GIGYF2: variants seen among roughly 807,000 people sequenced by gnomAD.
The protein encoded by GIGYF2 is GRB10 interacting GYF protein 2.
A neutral mutation model predicts 208.1 loss-of-function variants in GIGYF2; 25 were observed. The ratio of observed to expected loss-of-function variants is 0.12; its 90% CI spans 0.09 to 0.17. GIGYF2 has a LOEUF of 0.17. Among genes scored for constraint, GIGYF2 ranks in the 10% least tolerant of loss-of-function variants. The pLI is 1.00. For synonymous variants in GIGYF2, 534 were observed against 543.8 expected (o/e 0.98, Z 0.25); for missense variants, 1,302 against 1,579.4 (o/e 0.82, Z 2.98).
intron 3 of GIGYF2, chr2:232,735,694 AG>A: frequency 1.0e-6 from 1 of 989,986 alleles, no homozygotes; most frequent in Non-Finnish European, 1.2e-6. Context: ...GGCTGTTAAC[AG>A]TAGCCTATCT....
intron 23 of GIGYF2, among the ~76,000 whole-genome samples, chr2:232,841,030 T>G (rs931006960): frequency 2.6e-5 from 4 of 151,964 alleles, no homozygotes; most frequent in African/African-American, 9.7e-5. Flanking sequence ...ATAAGATGTT[T>G]CTTCACACTT....
intron 6 of GIGYF2, among the ~76,000 whole-genome samples, chr2:232,759,003 A>G (rs1384971217): frequency 6.6e-6 from 1 of 152,172 alleles, no homozygotes; most frequent in Non-Finnish European, 1.5e-5. Context: ...TTATAGTTCC[A>G]CCGTGCTTCT....
intron 5 of GIGYF2, among the ~76,000 whole-genome samples, chr2:232,749,733 G>C (rs1698271511): frequency 6.6e-6 from 1 of 152,200 alleles, no homozygotes; most frequent in Non-Finnish European, 1.5e-5. Flanking sequence ...ACGGGAAGAA[G>C]AGAATCCAGG....
chr2:232,843,492 G>A (rs1313046625), intron 23 of GIGYF2, among the ~76,000 whole-genome samples: 2 of 151,844 alleles, frequency 1.3e-5, no homozygotes, highest in African/African-American at 4.8e-5. Context: ...GAACCCGGGA[G>A]GCGGAGGTTG....
In GIGYF2 at chr2:232,749,092, T is replaced by A; in HGVS notation, c.267+10T>A. On this transcript the variant is annotated intron_variant, in intron 5 of 28. Transcript: ENST00000373563. Reference sequence around the variant, plus strand: ...TACAGAAGAAGAACAGGTTTGTGATTAGCTCTGAGCCCCAGCAAACTCTTA... The same window carrying A: ...TACAGAAGAAGAACAGGTTTGTGATAAGCTCTGAGCCCCAGCAAACTCTTA... The A allele has an allele frequency of 3.7e-6, 5 of 1,335,230 alleles. No homozygotes were observed. Among genetic ancestry groups the A allele is most frequent in the Non-Finnish European group, 5.4e-6 (5 of 925,128 alleles). The allele number at this position is 1,335,230 out of a possible 1,614,324, so 82.7% of individuals were successfully genotyped here.
intron 14 of GIGYF2, among the ~76,000 whole-genome samples, chr2:232,805,430 C>G (rs1219720237): frequency 6.6e-6 from 1 of 151,426 alleles, no homozygotes; most frequent in Non-Finnish European, 1.5e-5. Flanking sequence ...GTGTATTGAC[C>G]CTTCTTTATT....
intron 8 of GIGYF2, among the ~76,000 whole-genome samples, chr2:232,786,930 A>C (rs1051461229): frequency 3.3e-5 from 5 of 152,200 alleles, no homozygotes; most frequent in African/African-American, 1.2e-4. Context: ...AAAAAATTTT[A>C]CATAATATTT....
At chr2:232,717,026 C>T (rs1438358903) in intron 2 of GIGYF2, among the ~76,000 whole-genome samples, 1 of 151,416 alleles carries the variant, frequency 6.6e-6, no homozygotes, top group Non-Finnish European at 1.5e-5. Context: ...GTTGCCCAGG[C>T]TGGTCTCAAA....
At chr2:232,783,189 C>A (rs1328835342) in intron 8 of GIGYF2, among the ~76,000 whole-genome samples, 1 of 152,068 alleles carries the variant, frequency 6.6e-6, no homozygotes, top group African/African-American at 2.4e-5. Context: ...TGTTGGAAAA[C>A]CTGTAGCTCA....
At chr2:232,718,425 A>G (rs1696793411) in intron 2 of GIGYF2, among the ~76,000 whole-genome samples, 1 of 152,150 alleles carries the variant, frequency 6.6e-6, no homozygotes, top group Non-Finnish European at 1.5e-5. Flanking sequence ...CTGCTGAGTA[A>G]TATTTCATTA....
At chr2:232,797,061 G>A (rs962097062) in intron 14 of GIGYF2, among the ~76,000 whole-genome samples, 9 of 143,612 alleles carry the variant, frequency 6.3e-5, no homozygotes, top group African/African-American at 2.4e-4. Flanking sequence ...GGCAGCAGTA[G>A]TGTTGGAGGA....
intron 22 of GIGYF2, among the ~76,000 whole-genome samples, chr2:232,836,145 G>A (rs1430084117): frequency 6.7e-6 from 1 of 149,580 alleles, no homozygotes; most frequent in East Asian, 2.0e-4. Flanking sequence ...AATTGTCCTG[G>A]GCTGGGTGCA....
intron 5 of GIGYF2, among the ~76,000 whole-genome samples, chr2:232,751,567 T>C (rs970847900): frequency 5.9e-5 from 9 of 152,142 alleles, no homozygotes; most frequent in Non-Finnish European, 1.3e-4. Context: ...CATATACCAG[T>C]TTTATTCTTT....
intron 21 of GIGYF2, among the ~76,000 whole-genome samples, chr2:232,830,209 C>G (rs1701387541): frequency 6.6e-6 from 1 of 152,184 alleles, no homozygotes; most frequent in Non-Finnish European, 1.5e-5. Flanking sequence ...TCTCAAATTC[C>G]TGACCTCATG....
intron 22 of GIGYF2, 136 bp from the exon 23 acceptor site, chr2:232,839,713 G>T: frequency 1.1e-6 from 1 of 909,388 alleles, no homozygotes. Flanking sequence ...AAGCAATGAA[G>T]AAGGAAATTT....
intron 8 of GIGYF2, among the ~76,000 whole-genome samples, chr2:232,764,007 CACTT>C (rs1465369301): frequency 6.6e-6 from 1 of 152,144 alleles, no homozygotes; most frequent in Non-Finnish European, 1.5e-5. Flanking sequence ...ATTAAATTCT[CACTT>C]ATGTGCTAGG....
intron 4 of GIGYF2, among the ~76,000 whole-genome samples, 167 bp downstream of exon 4, chr2:232,747,911 C>G (rs1311189219): frequency 6.6e-6 from 1 of 151,902 alleles, no homozygotes; most frequent in Non-Finnish European, 1.5e-5. Context: ...AGAGGATCTT[C>G]TAAGTGTTAT....
chr2:232,769,225 G>A (rs890049276), intron 8 of GIGYF2, among the ~76,000 whole-genome samples: 1 of 152,032 alleles, frequency 6.6e-6, no homozygotes, highest in Admixed American at 6.6e-5. Flanking sequence ...ATGGGGAGGG[G>A]ACCAATAGAA....
At chr2:232,810,709 T>C (rs747956539) in intron 16 of GIGYF2, 17 of 169,916 alleles carry the variant, frequency 1.0e-4, no homozygotes, top group Non-Finnish European at 1.8e-4. Flanking sequence ...AGAGAGTATA[T>C]GAGCTGCATA....
Sources: gnomAD v4.1 joint callset for allele counts (sites outside exome capture counted in the v4.1 genomes callset) on GRCh38, gnomAD v4.1.1 for gene constraint, MANE v1.5 for transcripts, NCBI Gene and HGNC (gene_info 2026-07-23, HGNC 2026-07-21) for gene names.